NEO1: variants seen among roughly 807,000 people sequenced by gnomAD.
NEO1 encodes neogenin 1, also known as neogenin.
A neutral mutation model predicts 159.7 loss-of-function variants in NEO1; 63 were observed. The ratio of observed to expected loss-of-function variants is 0.39; its 90% confidence interval spans 0.32 to 0.49. NEO1 has a LOEUF of 0.49. Ranked by LOEUF, NEO1 falls within the 20% of genes least tolerant of loss-of-function variation. The probability of loss-of-function intolerance (pLI) is 0.85; values close to 1 mark genes in which losing one functional copy is unlikely to be tolerated. For missense variants in NEO1, 1,615 were observed against 1,831.0 expected (o/e 0.88, Z 2.15); for synonymous variants, 633 against 662.0 (o/e 0.96, Z 0.67).
At chr15:73,140,336 A>C (rs1355760289) in intron 5 of NEO1, among the ~76,000 whole-genome samples, 1 of 152,146 alleles carries the variant, frequency 6.6e-6, no homozygotes, top group African/African-American at 2.4e-5. Flanking sequence ...CAGGAGGATC[A>C]CTTGAGGCCA....
At chr15:73,237,517 C>T (rs1425149148) in intron 8 of NEO1, among the ~76,000 whole-genome samples, 1 of 152,180 alleles carries the variant, frequency 6.6e-6, no homozygotes, top group East Asian at 1.9e-4. Context: ...AGCCCTAATA[C>T]ATCAGCTAAA....
chr15:73,174,873 T>C (rs2035193774), intron 5 of NEO1, among the ~76,000 whole-genome samples: 1 of 152,256 alleles, frequency 6.6e-6, no homozygotes, highest in African/African-American at 2.4e-5. Context: ...TAGATTTCCC[T>C]GATTTCATCT....
intron 7 of NEO1, among the ~76,000 whole-genome samples, chr15:73,228,572 T>C (rs1335057984): frequency 6.6e-6 from 1 of 151,906 alleles, no homozygotes; most frequent in Non-Finnish European, 1.5e-5. Flanking sequence ...GTTGTTTTTG[T>C]TTTGTTTTTT....
intron 2 of NEO1, among the ~76,000 whole-genome samples, chr15:73,120,284 G>T (rs2071567560): frequency 6.7e-6 from 1 of 150,182 alleles, no homozygotes; most frequent in African/African-American, 2.4e-5. Context: ...TGATATTCTG[G>T]TTTCTTAAAA....
chr15:73,079,632 A>G (rs2068943044), intron 1 of NEO1, among the ~76,000 whole-genome samples: 1 of 152,196 alleles, frequency 6.6e-6, no homozygotes, highest in African/African-American at 2.4e-5. Flanking sequence ...ACTCGGATAC[A>G]TAGTTTAACA....
At chr15:73,119,056 T>G (rs2151630682) in intron 2 of NEO1, among the ~76,000 whole-genome samples, 1 of 152,242 alleles carries the variant, frequency 6.6e-6, no homozygotes. Context: ...CTCAAAATGT[T>G]AACCATAGTG....
intron 22 of NEO1, among the ~76,000 whole-genome samples, chr15:73,278,822 T>A (rs1176849725): frequency 2.6e-5 from 4 of 152,238 alleles, no homozygotes; most frequent in Non-Finnish European, 2.9e-5. Flanking sequence ...GGCCACGTGC[T>A]AATTGTGGCA....
At chr15:73,286,411 C>A (rs1310117846) in intron 23 of NEO1, among the ~76,000 whole-genome samples, 1 of 151,608 alleles carries the variant, frequency 6.6e-6, no homozygotes, top group Non-Finnish European at 1.5e-5. Flanking sequence ...TGTTTTTTTT[C>A]ATAGGTCCTC....
intron 25 of NEO1, among the ~76,000 whole-genome samples, chr15:73,292,178 G>T (rs1238516418): frequency 1.3e-5 from 2 of 152,176 alleles, no homozygotes; most frequent in African/African-American, 4.8e-5. Context: ...TTGCTTGCAT[G>T]TGGCCAGGAC....
chr15:73,167,698 T>C (rs2034671836), intron 5 of NEO1, among the ~76,000 whole-genome samples: 1 of 152,342 alleles, frequency 6.6e-6, no homozygotes, highest in East Asian at 1.9e-4. Flanking sequence ...ATTAAGTATG[T>C]TTAACTTTGT....
intron 27 of NEO1, among the ~76,000 whole-genome samples, chr15:73,299,629 C>G (rs2042532418): frequency 6.6e-6 from 1 of 152,230 alleles, no homozygotes; most frequent in South Asian, 2.1e-4. Flanking sequence ...TCGTGATCCG[C>G]CCACCTCGGC....
intron 7 of NEO1, among the ~76,000 whole-genome samples, chr15:73,233,083 G>A (rs573752144): frequency 3.9e-5 from 6 of 152,232 alleles, no homozygotes; most frequent in Admixed American, 2.6e-4. Flanking sequence ...GGAGTCTAAA[G>A]TCCCAATCTA....
intron 1 of NEO1, among the ~76,000 whole-genome samples, chr15:73,070,661 T>G (rs2068486431): frequency 6.6e-6 from 1 of 152,174 alleles, no homozygotes; most frequent in Non-Finnish European, 1.5e-5. Context: ...TATATACCAG[T>G]TTTTTTCCCT....
chr15:73,167,962 A>G (rs1025654286), intron 5 of NEO1, among the ~76,000 whole-genome samples: 2 of 152,170 alleles, frequency 1.3e-5, no homozygotes, highest in Non-Finnish European at 2.9e-5. Context: ...TTTAAAATTC[A>G]TGCAGAAAGT....
chr15:73,112,373 A>C (rs2071047432), intron 1 of NEO1, among the ~76,000 whole-genome samples: 1 of 152,152 alleles, frequency 6.6e-6, no homozygotes, highest in South Asian at 2.1e-4. Flanking sequence ...TATATGTGAC[A>C]CAATTTTCCC....
At chr15:73,084,881 A>G (rs530806393) in intron 1 of NEO1, among the ~76,000 whole-genome samples, 32 of 151,886 alleles carry the variant, frequency 2.1e-4, no homozygotes, top group Admixed American at 3.9e-4. Context: ...TTTAGGTTTC[A>G]TCTTTAGGTA....
intron 7 of NEO1, among the ~76,000 whole-genome samples, chr15:73,226,393 C>A (rs1455741091): frequency 6.6e-6 from 1 of 152,172 alleles, no homozygotes; most frequent in East Asian, 1.9e-4. Flanking sequence ...TAGACAGTAT[C>A]TCAGGAAGCA....
intron 13 of NEO1, chr15:73,255,656 C>T (rs2040303641): frequency 6.6e-6 from 1 of 152,216 alleles, no homozygotes; most frequent in Non-Finnish European, 1.5e-5. Context: ...TGAGCAGACC[C>T]CATCCTGCCG....
Position 73,108,513 on chromosome 15 carries a change from C to A in NEO1, c.131-8027C>A, listed in dbSNP as rs575238946. Among the ~76,000 whole-genome samples, 19 of 152,242 alleles carry A rather than the reference C, an allele frequency of 1.2e-4. No individual in the cohort carries two copies. The South Asian group carries it at 3.5e-3, about 28-fold the overall frequency. ...ACTTAATTCCATCTTGGCCCAGGCA[C>A]CTTTCCTACCTATAGGACACTGAAA... On this transcript the variant is annotated intron_variant, in intron 1 of 28. Transcript: ENST00000261908.
Sources: allele counts gnomAD v4.1 joint callset (sites outside exome capture counted in the v4.1 genomes callset), GRCh38; gene constraint gnomAD v4.1.1; transcripts MANE v1.5; gene names NCBI Gene and HGNC (gene_info 2026-07-23, HGNC 2026-07-21).